The following CAP2 variants were observed in gnomAD, a reference collection of about 807,000 sequenced individuals.
CAP2 encodes cyclase associated actin cytoskeleton regulatory protein 2.
In CAP2, 24 loss-of-function variants were observed where a neutral mutation model predicts 57.7. The ratio of observed to expected loss-of-function variants is 0.42; its 90% CI spans 0.30 to 0.58. CAP2 has a LOEUF of 0.58. Ranked by LOEUF, CAP2 falls within the 20% of genes least tolerant of loss-of-function variation. The pLI is 0.22. For missense variants in CAP2, 501 were observed against 590.3 expected (o/e 0.85, Z 1.57); for synonymous variants, 194 against 207.2 (o/e 0.94, Z 0.55).
intron 4 of CAP2, among the ~76,000 whole-genome samples, chr6:17,478,264 A>G (rs1761203385): frequency 1.4e-5 from 2 of 147,180 alleles, no homozygotes; most frequent in South Asian, 4.4e-4. Context: ...CCTCTCGAGT[A>G]GCTGGGACCA....
rs558142232 is a variant in CAP2 at position 17,476,279 on chromosome 6, TA to T, written c.300+13212del. ...TGAATTCTAACTGCAGTACAGCTCA[TA>T]AAAAAGTCTATATCATAACTTACCT... On this transcript the variant is annotated intron_variant, in intron 4 of 12. Transcript: ENST00000229922. Among the ~76,000 whole-genome samples, 4 of 152,226 alleles carry T rather than the reference TA, an allele frequency of 2.6e-5. No homozygotes were observed. In the East Asian group the frequency reaches 7.7e-4, roughly 29 times the overall value.
At position 17,556,528 on chromosome 6, in the gene CAP2, A is replaced by G. The variant is rs1212681358; in HGVS notation, c.*86A>G. The G allele has an allele frequency of 4.3e-6, 4 of 921,658 alleles. No homozygotes were observed. The highest frequency in any genetic ancestry group is 7.2e-6 in the Non-Finnish European group (4 of 551,972). 57.1% of individuals were successfully genotyped at this position (921,658 alleles called of 1,614,324 possible). A position where few individuals can be genotyped will look rare whatever the true frequency, so the allele number is the denominator to read the frequency against. On this transcript the variant is annotated 3_prime_UTR_variant, in exon 13 of 13. Coordinates refer to ENST00000229922, the MANE Select transcript of CAP2 (RefSeq NM_006366.3). ...GCAGTAAAGAGCTAGAAGTTGCAGTAGCCCCTACTGCTTTAGCTTTGGCCT... is the reference window on the plus strand; with the variant it reads ...GCAGTAAAGAGCTAGAAGTTGCAGTGGCCCCTACTGCTTTAGCTTTGGCCT...
At chr6:17,534,125 A>C (rs892715047) in intron 7 of CAP2, among the ~76,000 whole-genome samples, 1 of 152,210 alleles carries the variant, frequency 6.6e-6, no homozygotes, top group East Asian at 1.9e-4. Context: ...TGCAAGTTAC[A>C]TGACATCAGA....
At chr6:17,468,019 C>A (rs1760915166) in intron 4 of CAP2, among the ~76,000 whole-genome samples, 1 of 152,050 alleles carries the variant, frequency 6.6e-6, no homozygotes, top group Non-Finnish European at 1.5e-5. Flanking sequence ...TCAATGATTT[C>A]AATTATTTTA....
rs912415977 is a variant in CAP2 at position 17,530,586 on chromosome 6, G to A, written c.637-8683G>A. Among the ~76,000 whole-genome samples, 3 of 152,238 alleles carry A rather than the reference G, an allele frequency of 2.0e-5. No individual in the cohort carries two copies. The East Asian group carries it at 5.8e-4, about 29-fold the overall frequency. On this transcript the variant is annotated intron_variant, in intron 7 of 12. Coordinates refer to ENST00000229922, the MANE Select transcript of CAP2 (RefSeq NM_006366.3). ...GTTCGAGGAGGGGCTCATAAAGGAAGGATGAGGGAGAGGAAATACCCATGA... is the reference window on the plus strand; with the variant it reads ...GTTCGAGGAGGGGCTCATAAAGGAAAGATGAGGGAGAGGAAATACCCATGA...
At chr6:17,429,660 T>TA (rs1163100867) in intron 3 of CAP2, among the ~76,000 whole-genome samples, 31 of 152,252 alleles carry the variant, frequency 2.0e-4, no homozygotes, top group African/African-American at 7.0e-4. Context: ...TAAGAAAATT[T>TA]ATGTTCTCCC....
At chr6:17,531,022 A>T (rs9477473) in intron 7 of CAP2, 1 of 978,362 alleles carries the variant, frequency 1.0e-6, no homozygotes, top group South Asian at 1.3e-5. Flanking sequence ...GGCCACAGGA[A>T]GTTATTTGCT....
intron 1 of CAP2, among the ~76,000 whole-genome samples, chr6:17,403,008 C>G (rs976729365): frequency 6.6e-6 from 1 of 152,140 alleles, no homozygotes; most frequent in African/African-American, 2.4e-5. Flanking sequence ...ATTTCCATCT[C>G]CTCATTATGT....
chr6:17,530,177 A>G (rs1474349683), intron 7 of CAP2, among the ~76,000 whole-genome samples: 1 of 152,062 alleles, frequency 6.6e-6, no homozygotes, highest in Non-Finnish European at 1.5e-5. Flanking sequence ...GGATCAAGCA[A>G]TCCTCCCACC....
intron 7 of CAP2, chr6:17,531,096 T>A (rs1221732045): frequency 2.2e-5 from 17 of 763,034 alleles, no homozygotes; most frequent in Non-Finnish European, 3.8e-5. Context: ...GATGATGCCA[T>A]ATTTACCGAG....
At chr6:17,551,398 A>G (rs773662212) in intron 11 of CAP2, 66 bp from the exon 12 acceptor site, 186 of 1,282,256 alleles carry the variant, frequency 1.5e-4, no homozygotes, top group Non-Finnish European at 1.9e-4. Flanking sequence ...TTGAGATTGT[A>G]TTTATTCGAG....
intron 4 of CAP2, chr6:17,493,351 C>A: frequency 3.1e-6 from 1 of 324,982 alleles, no homozygotes; most frequent in Non-Finnish European, 6.6e-6. Context: ...GAGATGAAAC[C>A]AAGGCTAAAG....
rs1466833655 is a variant in CAP2 at position 17,423,356 on chromosome 6, GT to G, written c.121+1687del. Among the ~76,000 whole-genome samples, 5 of 152,238 alleles carry G rather than the reference GT, an allele frequency of 3.3e-5. No individual in the cohort carries two copies. The East Asian group carries it at 9.6e-4, about 29-fold the overall frequency. ...AAGGAAGGCTGCCAGGAGCCTGTAAGTTTTTTTCCGCACCAACTGAGACACA... is the reference window on the plus strand; with the variant it reads ...AAGGAAGGCTGCCAGGAGCCTGTAAGTTTTTTCCGCACCAACTGAGACACA... On this transcript the variant is annotated intron_variant, in intron 2 of 12. Transcript: ENST00000229922.
At chr6:17,477,668 G>C (rs1222127164) in intron 4 of CAP2, among the ~76,000 whole-genome samples, 2 of 152,152 alleles carry the variant, frequency 1.3e-5, no homozygotes, top group Non-Finnish European at 1.5e-5. Context: ...TACTTAACAA[G>C]ATCATCATTG....
At chr6:17,501,916 C>A (rs1243475001) in intron 4 of CAP2, among the ~76,000 whole-genome samples, 2 of 152,200 alleles carry the variant, frequency 1.3e-5, no homozygotes, top group African/African-American at 4.8e-5. Context: ...TTGGTCCTTT[C>A]CACCTTCTGT....
At chr6:17,553,042 A>T (rs1302431874) in intron 12 of CAP2, among the ~76,000 whole-genome samples, 1 of 152,200 alleles carries the variant, frequency 6.6e-6, no homozygotes, top group Non-Finnish European at 1.5e-5. Context: ...ACCTAAAAAA[A>T]TTCCTGAAGA....
rs1197104013 is a variant in CAP2 at position 17,406,412 on chromosome 6, T to TTTTTTTTTTTTTTTTTTTTTTTTTTTTC, written c.-2+12667_-2+12668insTTTTTTTTTTTTTTTTTTTTTTTTTTCT. ...AGCCCAGATTTCTTTTTTTTTTTTT[T>TTTTTTTTTTTTTTTTTTTTTTTTTTTTC]TGAGGCAGTCTCACTCTGTCGCCCA... is the stretch of plus-strand genomic sequence containing the variant. On this transcript the variant is annotated intron_variant, in intron 1 of 12. Coordinates refer to ENST00000229922, the MANE Select transcript of CAP2 (RefSeq NM_006366.3). 1.8e-4 allele frequency among the ~76,000 whole-genome samples: 24 copies of TTTTTTTTTTTTTTTTTTTTTTTTTTTTC among 135,254 alleles called. 4 individuals carry two copies. Among genetic ancestry groups the TTTTTTTTTTTTTTTTTTTTTTTTTTTTC allele is most frequent in the African/African-American group, 8.9e-4 (24 of 27,010 alleles). The allele number at this position is 135,254 out of a possible 152,430, so 88.7% of individuals were successfully genotyped here.
chr6:17,493,775 CAAAA>C (rs10647199), intron 4 of CAP2, among the ~76,000 whole-genome samples: 1 of 103,592 alleles, frequency 9.7e-6, no homozygotes. Context: ...GAGGAGGGGG[CAAAA>C]AAAAAAAAAA....
chr6:17,445,732 A>G (rs1207073753), intron 3 of CAP2, among the ~76,000 whole-genome samples: 1 of 152,196 alleles, frequency 6.6e-6, no homozygotes, highest in African/African-American at 2.4e-5. Context: ...CAAACTTCTC[A>G]GTGAGATCCC....
Sources: allele counts gnomAD v4.1 joint callset (sites outside exome capture counted in the v4.1 genomes callset), GRCh38; gene constraint gnomAD v4.1.1; transcripts MANE v1.5; gene names NCBI Gene and HGNC (gene_info 2026-07-23, HGNC 2026-07-21).